The following CADPS variants were observed in gnomAD, a reference collection of about 807,000 sequenced individuals.
CADPS encodes calcium dependent secretion activator.
CADPS carries 57 observed loss-of-function variants against 167.3 expected under a neutral mutation model. The ratio of observed to expected loss-of-function variants is 0.34; its 90% CI spans 0.28 to 0.42. CADPS has a LOEUF of 0.42. CADPS is among the 20% of genes least tolerant of loss of function. The probability of loss-of-function intolerance (pLI) is 1.00; values close to 1 mark genes in which losing one functional copy is unlikely to be tolerated. For synonymous variants in CADPS, 676 were observed against 635.3 expected (o/e 1.06, Z -0.96); for missense variants, 1,414 against 1,738.1 (o/e 0.81, Z 3.32).
chr3:62,801,729 G>A (rs2093775354), intron 1 of CADPS, among the ~76,000 whole-genome samples: 1 of 152,008 alleles, frequency 6.6e-6, no homozygotes, highest in South Asian at 2.1e-4. Context: ...CTGTGAAGCA[G>A]GTGTCATTAC....
chr3:62,763,306 C>T (rs1232011180), intron 2 of CADPS, among the ~76,000 whole-genome samples: 1 of 152,082 alleles, frequency 6.6e-6, no homozygotes, highest in Non-Finnish European at 1.5e-5. Flanking sequence ...GTAGGATGTG[C>T]CCTGGGGCTG....
In CADPS at chr3:62,775,020, G is replaced by T. The variant is rs4321525; in HGVS notation, c.442-9036C>A. On this transcript the variant is annotated intron_variant, in intron 1 of 29. Coordinates refer to ENST00000383710, the MANE Select transcript of CADPS (RefSeq NM_003716.4). ...TTGAATGAATCTTTTACCCATAAGTGTTTTTTTTTTAATTTTTGTTTTGTT... is the reference window on the plus strand; with the variant it reads ...TTGAATGAATCTTTTACCCATAAGTTTTTTTTTTTTAATTTTTGTTTTGTT... Among the ~76,000 whole-genome samples, 18 of 150,578 alleles carry T rather than the reference G, an allele frequency of 1.2e-4. No individual in the cohort carries two copies. The South Asian group carries it at 1.5e-3, about 12-fold the overall frequency.
At chr3:62,410,770 A>T (rs1225593218) in intron 28 of CADPS, among the ~76,000 whole-genome samples, 2 of 151,896 alleles carry the variant, frequency 1.3e-5, no homozygotes, top group African/African-American at 4.8e-5. Flanking sequence ...AGAAATCACA[A>T]CTCCTTGAGT....
At chr3:62,603,715 A>T (rs2060291443) in intron 6 of CADPS, among the ~76,000 whole-genome samples, 1 of 152,108 alleles carries the variant, frequency 6.6e-6, no homozygotes, top group Non-Finnish European at 1.5e-5. Context: ...CTCTTCTTGC[A>T]CTTTTTCCAT....
intron 26 of CADPS, among the ~76,000 whole-genome samples, chr3:62,447,863 G>A (rs892296641): frequency 6.6e-5 from 10 of 152,068 alleles, no homozygotes; most frequent in Non-Finnish European, 1.2e-4. Flanking sequence ...CTTAGTTCAG[G>A]AAAGAAGGTG....
At chr3:62,690,275 G>A (rs963099693) in intron 3 of CADPS, among the ~76,000 whole-genome samples, 13 of 151,884 alleles carry the variant, frequency 8.6e-5, no homozygotes, top group Admixed American at 3.9e-4. Context: ...CAAAAGTTGT[G>A]ACTTATTGTC....
chr3:62,771,893 C>A (rs979295235), intron 1 of CADPS, among the ~76,000 whole-genome samples: 2 of 152,142 alleles, frequency 1.3e-5, no homozygotes, highest in Non-Finnish European at 2.9e-5. Context: ...GAGGAGAAAA[C>A]GGCATGTTCT....
chr3:62,781,814 T>C (rs2091694510), intron 1 of CADPS, among the ~76,000 whole-genome samples: 1 of 152,048 alleles, frequency 6.6e-6, no homozygotes, highest in South Asian at 2.1e-4. Context: ...AAGACCACCT[T>C]TGGAAGCTTG....
chr3:62,418,976 AC>A (rs1438397885), intron 28 of CADPS, among the ~76,000 whole-genome samples: 1 of 152,172 alleles, frequency 6.6e-6, no homozygotes, highest in African/African-American at 2.4e-5. Flanking sequence ...CTGCTCTAAT[AC>A]CCCTGGCTCA....
rs1417176726 is a variant in CADPS at position 62,753,752 on chromosome 3, C to T, written c.577G>A (p.Val193Met). 1.2e-5 allele frequency: 19 copies of T among 1,612,922 alleles called. No individual in the cohort carries two copies. The highest frequency in any genetic ancestry group is 1.6e-5 in the Non-Finnish European group (19 of 1,179,224). ...CCTCCACTCTGAACCATGCGGGCCACACGGTCGCTCTTCAGGAACACCTGA... is the reference window on the plus strand; with the variant it reads ...CCTCCACTCTGAACCATGCGGGCCATACGGTCGCTCTTCAGGAACACCTGA... The part of the protein sequence containing the change: ...YYEVFLKSDR[V>M]ARMVQSGGCS... The change falls in exon 3 of 30, where the codon GTG (valine) becomes ATG (methionine). Residue 193 changes from valine (V) to methionine (M), a missense_variant. Physicochemically the swap from Val to Met is conservative, Grantham distance 21 (BLOSUM62 1). Transcript: ENST00000383710. The surrounding 1 kb of genome is among the most constrained non-coding windows in gnomAD (Gnocchi z 4.6).
chr3:62,615,624 A>G (rs988680908), intron 6 of CADPS, among the ~76,000 whole-genome samples: 1 of 152,170 alleles, frequency 6.6e-6, no homozygotes, highest in South Asian at 2.1e-4. Context: ...CAGCTGCATG[A>G]GCAGAGAACG....
chr3:62,686,184 T>C (rs2078001118), intron 3 of CADPS, among the ~76,000 whole-genome samples: 1 of 152,020 alleles, frequency 6.6e-6, no homozygotes, highest in East Asian at 1.9e-4. Flanking sequence ...GTTAACTATA[T>C]TCCAGTGAGC....
In CADPS at chr3:62,505,026, T is replaced by C. The variant is rs546598253; in HGVS notation, c.2600-5758A>G. On this transcript the variant is annotated intron_variant, in intron 17 of 29. Coordinates refer to ENST00000383710, the MANE Select transcript of CADPS (RefSeq NM_003716.4). ...GCTGAAGATGCTAGTATTTGTATTA[T>C]GCAATTACAGAAAATAACTAGCCTG... 7.2e-5 allele frequency among the ~76,000 whole-genome samples: 11 copies of C among 152,302 alleles called. 1 individual carries two copies. The South Asian group carries it at 2.1e-3, about 29-fold the overall frequency.
Position 62,762,656 on chromosome 3 carries a change from C to CAA in CADPS, c.555+3213_555+3214dup, listed in dbSNP as rs35231096. 7.1e-3 allele frequency among the ~76,000 whole-genome samples: 375 copies of CAA among 53,118 alleles called. 2 individuals are homozygous for CAA. The highest frequency in any genetic ancestry group is 0.021 in the African/African-American group (322 of 15,620). The allele number at this position is 53,118 out of a possible 152,430, so 34.8% of individuals were successfully genotyped here. ...GGGTAACAGAAAGGAAACCCGGACT[C>CAA]AAAAAAAAAAAAAAAAAAAAGGTAT... On this transcript the variant is annotated intron_variant, in intron 2 of 29. Transcript: ENST00000383710.
chr3:62,542,293 C>A (rs1193482753), intron 11 of CADPS, among the ~76,000 whole-genome samples: 3 of 152,220 alleles, frequency 2.0e-5, no homozygotes, highest in South Asian at 4.2e-4. Context: ...ACCCAAACTG[C>A]AAATTAAAAG....
intron 27 of CADPS, among the ~76,000 whole-genome samples, chr3:62,443,599 G>A (rs1421648662): frequency 6.6e-6 from 1 of 152,110 alleles, no homozygotes; most frequent in East Asian, 1.9e-4. Context: ...TTGTGATACT[G>A]AGTGAGTTCT....
chr3:62,504,372 C>A (rs1359118728), intron 17 of CADPS, among the ~76,000 whole-genome samples: 1 of 152,218 alleles, frequency 6.6e-6, no homozygotes, highest in Non-Finnish European at 1.5e-5. Context: ...TTCTGGTAAT[C>A]CATCCTCATG....
At position 62,465,498 on chromosome 3, in the gene CADPS, G is replaced by A. The variant is rs904027656; in HGVS notation, c.3553-48C>T. 6 of 1,340,454 alleles carry A rather than the reference G, an allele frequency of 4.5e-6. No homozygotes were observed. Among genetic ancestry groups the A allele is most frequent in the Non-Finnish European group, 6.4e-6 (6 of 942,762 alleles). 83.0% of individuals were successfully genotyped at this position (1,340,454 alleles called of 1,614,324 possible). Reference sequence around the variant, plus strand: ...AAAAATGTTATTTCAAACTATAATTGTTCACCATAAAGCACATCATTTCCC... The same window carrying A: ...AAAAATGTTATTTCAAACTATAATTATTCACCATAAAGCACATCATTTCCC... On this transcript the variant is annotated intron_variant, in intron 25 of 29. Coordinates refer to ENST00000383710, the MANE Select transcript of CADPS (RefSeq NM_003716.4). This position sits in a 1 kb window ranked among gnomAD's most constrained non-coding sequence, Gnocchi z 4.1.
intron 18 of CADPS, among the ~76,000 whole-genome samples, chr3:62,497,406 G>A (rs1356642705): frequency 6.6e-6 from 1 of 152,172 alleles, no homozygotes; most frequent in East Asian, 1.9e-4. Flanking sequence ...CAGATCAGAG[G>A]AGGGCAGGCT....
Sources: gnomAD v4.1 joint callset for allele counts (sites outside exome capture counted in the v4.1 genomes callset) on GRCh38, gnomAD v4.1.1 for gene constraint, Gnocchi (gnomAD v3.1) non-coding constraint, MANE v1.5 for transcripts, NCBI Gene and HGNC (gene_info 2026-07-23, HGNC 2026-07-21) for gene names.